TSPEAR: variants seen among roughly 807,000 people sequenced by gnomAD.
TSPEAR encodes the protein thrombospondin type laminin G domain and EAR repeats.
A neutral mutation model predicts 71.6 loss-of-function variants in TSPEAR; 69 were observed. The observed-to-expected ratio is 0.96, with a 90% CI of 0.79 to 1.18. The LOEUF (loss-of-function observed/expected upper bound fraction) is 1.18. TSPEAR is among the 50% of genes most tolerant of loss of function. The probability of loss-of-function intolerance (pLI) is 0.00; values close to 1 mark genes in which losing one functional copy is unlikely to be tolerated. For missense variants in TSPEAR, 971 were observed against 894.9 expected (o/e 1.09, Z -1.09); for synonymous variants, 402 against 387.2 (o/e 1.04, Z -0.45).
chr21:44,672,946 G>A (rs116946899), intron 1 of TSPEAR, among the ~76,000 whole-genome samples: 6,051 of 152,148 alleles, frequency 0.04, 129 homozygotes, highest in Middle Eastern at 0.085. Flanking sequence ...CCCAACCCAC[G>A]CTCCTTGTAC....
Position 44,509,008 on chromosome 21 carries a change from A to G in TSPEAR, c.1754+191T>C, listed in dbSNP as rs587698388. 1,132 of 1,500,634 alleles carry G rather than the reference A, an allele frequency of 7.5e-4. 1 individual carries two copies. The highest frequency in any genetic ancestry group is 9.0e-4 in the African/African-American group (65 of 72,148). The allele number at this position is 1,500,634 out of a possible 1,614,324, so 93.0% of individuals were successfully genotyped here. A position where few individuals can be genotyped will look rare whatever the true frequency, so the allele number is the denominator to read the frequency against. On this transcript the variant is annotated intron_variant, in intron 10 of 11. Coordinates refer to ENST00000323084, the MANE Select transcript of TSPEAR (RefSeq NM_144991.3). The stretch of plus-strand genomic sequence containing the variant: ...AAACCTGTGTCTCAGGGCGGCACTG[A>G]CTTCCCCAGGCCAGGAAAGTCCCCA...
chr21:44,564,714 A>G (rs1456827426), intron 2 of TSPEAR, among the ~76,000 whole-genome samples: 1 of 152,200 alleles, frequency 6.6e-6, no homozygotes, highest in East Asian at 1.9e-4. Context: ...AATTTCAACA[A>G]ACGGATAGAA....
At chr21:44,511,803 C>T (rs782321932) in intron 9 of TSPEAR, among the ~76,000 whole-genome samples, 26 of 152,244 alleles carry the variant, frequency 1.7e-4, no homozygotes, top group Admixed American at 1.1e-3. Flanking sequence ...GGGAAAGGCC[C>T]GGAGTGCCCG....
intron 11 of TSPEAR, 102 bp from the exon 12 acceptor site, chr21:44,500,038 C>T (rs1315442933): frequency 8.1e-6 from 10 of 1,237,570 alleles, no homozygotes; most frequent in Non-Finnish European, 9.8e-6. Flanking sequence ...AGCTCTGGGT[C>T]ACATCTGAGC....
chr21:44,527,454 G>T lies in TSPEAR; in HGVS notation c.987C>A (p.Gly329=), dbSNP rs1183878194. 6.2e-7 allele frequency: 1 copy of T among 1,614,108 alleles called. No homozygotes were observed. The highest frequency in any genetic ancestry group is 1.3e-5 in the African/African-American group (1 of 74,940). The part of the protein sequence containing the change: ...QNLSTNSETL[G]IEVFRIPQVG... Reference sequence around the variant, plus strand: ...CCTGAGGGATGCGGAACACCTCAATGCCCAGGGTCTCTGAGTTGGTGGACA... The same window carrying T: ...CCTGAGGGATGCGGAACACCTCAATTCCCAGGGTCTCTGAGTTGGTGGACA... The change falls in exon 7 of 12, where the codon GGC becomes GGA. Residue 329 remains glycine, a synonymous_variant. Coordinates refer to ENST00000323084, the MANE Select transcript of TSPEAR (RefSeq NM_144991.3).
At chr21:44,595,207 C>G (rs78128234) in intron 1 of TSPEAR, among the ~76,000 whole-genome samples, 1,586 of 152,292 alleles carry the variant, frequency 0.01, 9 homozygotes, top group South Asian at 0.017. Context: ...TATTCTCTTT[C>G]TCTCTGTATC....
rs80316004 is a variant in TSPEAR, at chr21:44,564,085, G to T, written c.303+3700C>A. Among the ~76,000 whole-genome samples, 1,244 of 152,300 alleles carry T rather than the reference G, an allele frequency of 8.2e-3. 14 individuals carry two copies. The highest frequency in any genetic ancestry group is 0.028 in the African/African-American group (1,173 of 41,570). On this transcript the variant is annotated intron_variant, in intron 2 of 11. Transcript: ENST00000323084. ...AAAAATGCTTATTTACAATATGAGAGCTGAAGCAAGAATGCAGAGTGTGCC... is the reference window on the plus strand; with the variant it reads ...AAAAATGCTTATTTACAATATGAGATCTGAAGCAAGAATGCAGAGTGTGCC...
intron 1 of TSPEAR, among the ~76,000 whole-genome samples, chr21:44,617,170 G>T (rs233265): frequency 6.6e-6 from 1 of 152,168 alleles, no homozygotes; most frequent in Non-Finnish European, 1.5e-5. Context: ...TCCTCTAGCA[G>T]TTGCACTGAC....
chr21:44,499,460 G>A lies in TSPEAR; in HGVS notation c.*323C>T, dbSNP rs1192788663. 6.5e-6 allele frequency: 2 copies of A among 305,550 alleles called. No individual in the cohort carries two copies. The highest frequency in any genetic ancestry group is 1.2e-5 in the Non-Finnish European group (2 of 163,990). The allele number at this position is 305,550 out of a possible 1,614,324, so 18.9% of individuals were successfully genotyped here. ...CCGCAGGGACATGAACCGAGGTCCTGTTGTTTGAGGTAAAAATGTATAGAA... is the reference window on the plus strand; with the variant it reads ...CCGCAGGGACATGAACCGAGGTCCTATTGTTTGAGGTAAAAATGTATAGAA... On this transcript the variant is annotated 3_prime_UTR_variant, in exon 12 of 12. Transcript: ENST00000323084.
rs1555911677 is a variant in TSPEAR, at chr21:44,504,832, C to T, written c.1804G>A (p.Val602Met). The change falls in exon 11 of 12, where the codon GTG (valine) becomes ATG (methionine). Residue 602 changes from valine (V) to methionine (M), a missense_variant. Transcript: ENST00000323084. ...FSVGEDYFLV[V>M]ANSFDGRTFS... ...GTACGCCCATCGAAGGAGTTGGCCA[C>T]CACCAGGAAATAATCTTCTCCCACC... is the stretch of plus-strand genomic sequence containing the variant. The T allele has an allele frequency of 1.9e-6, 3 of 1,613,552 alleles. No individual in the cohort carries two copies. In the Admixed American group the frequency reaches 5.0e-5, roughly 27 times the overall value.
Position 44,711,472 on chromosome 21 carries a change from C to A in TSPEAR, c.43G>T (p.Ala15Ser), listed in dbSNP as rs1555953628. Residue 15 changes from alanine (A) to serine (S), a missense_variant, in exon 1 of 12, where the codon GCC becomes TCC. Ala to Ser is a moderately conservative substitution (Grantham distance 99, BLOSUM62 1). Coordinates refer to ENST00000323084, the MANE Select transcript of TSPEAR (RefSeq NM_144991.3). This position sits in a 1 kb window ranked among gnomAD's most constrained non-coding sequence, Gnocchi z 4.5. ...CAACCCTGCGTGCCGTGGCCGGGGG[C>A]CGCCAGGGGCAGCACAAAACACAGA... Reference protein sequence around the residue: ...LSLCFVLPLAAPGHGTQGWEP... With the variant: ...LSLCFVLPLASPGHGTQGWEP... 3.7e-6 allele frequency: 6 copies of A among 1,611,494 alleles called. No homozygotes were observed. The highest frequency in any genetic ancestry group is 5.1e-6 in the Non-Finnish European group (6 of 1,179,230).
In TSPEAR at chr21:44,529,855, C is replaced by T. The variant is rs1412866974; in HGVS notation, c.733G>A (p.Val245Ile). ...GGCTTCCCCGTGAGAGCCTGCAGGA[C>T]CCGTGGGATGGACAGCACCGCCAGC... ...APLAVLSIPR[V>I]LQALTGKPED... Residue 245 changes from valine (V) to isoleucine (I), a missense_variant, in exon 5 of 12, where the codon GTC becomes ATC. By Grantham distance (29) the Val-to-Ile change is conservative (BLOSUM62 3). Transcript: ENST00000323084. 4 of 1,613,752 alleles carry T rather than the reference C, an allele frequency of 2.5e-6. No individual in the cohort carries two copies. In the African/African-American group the frequency reaches 4.0e-5, roughly 16 times the overall value.
At chr21:44,603,013 G>A (rs1233155455) in intron 1 of TSPEAR, among the ~76,000 whole-genome samples, 1 of 152,004 alleles carries the variant, frequency 6.6e-6, no homozygotes, top group African/African-American at 2.4e-5. Context: ...GACAGTGCTG[G>A]GTGCATTTCT....
At position 44,509,270 on chromosome 21, in the gene TSPEAR, G is replaced by A; in HGVS notation, c.1683C>T (p.Ile561=). The A allele has an allele frequency of 1.9e-6, 3 of 1,614,080 alleles. No individual in the cohort carries two copies. The highest frequency in any genetic ancestry group is 1.7e-6 in the Non-Finnish European group (2 of 1,180,026). The part of the protein sequence containing the change: ...EMQVQNDSYV[I]NSVIYELNVT... ...CGTTCAGCTCGTAGATGACGGAGTT[G>A]ATGACATAGGAATCATTCTGGACTT... Residue 561 remains isoleucine (I), a synonymous_variant, in exon 10 of 12, where the codon ATC becomes ATT. Transcript: ENST00000323084.
chr21:44,690,163 G>A (rs965324382), intron 1 of TSPEAR, among the ~76,000 whole-genome samples: 15 of 152,166 alleles, frequency 9.9e-5, no homozygotes, highest in East Asian at 3.9e-4. Flanking sequence ...GGAACAAAAC[G>A]TCAAAGAGAT....
At chr21:44,622,252 A>G (rs1304723004) in intron 1 of TSPEAR, among the ~76,000 whole-genome samples, 1 of 152,164 alleles carries the variant, frequency 6.6e-6, no homozygotes, top group Non-Finnish European at 1.5e-5. Context: ...CTTTGCTGAT[A>G]CGTTTGAGCT....
chr21:44,569,981 T>C (rs1215875298), intron 1 of TSPEAR, among the ~76,000 whole-genome samples: 4 of 152,232 alleles, frequency 2.6e-5, no homozygotes, highest in African/African-American at 9.6e-5. Flanking sequence ...AATGGGTCTC[T>C]AAGTAAACCC....
chr21:44,697,683 G>T, intron 1 of TSPEAR: 1 of 1,613,202 alleles, frequency 6.2e-7, no homozygotes, highest in Non-Finnish European at 8.5e-7. Context: ...AAGCCCATCT[G>T]CTGTGTGCCT....
intron 2 of TSPEAR, among the ~76,000 whole-genome samples, chr21:44,557,266 A>G (rs1330277392): frequency 6.6e-6 from 1 of 152,210 alleles, no homozygotes; most frequent in Non-Finnish European, 1.5e-5. Flanking sequence ...AATACTTTCC[A>G]AGGACAAAGG....
Sources: gnomAD v4.1 joint callset for allele counts (sites outside exome capture counted in the v4.1 genomes callset) on GRCh38, gnomAD v4.1.1 for gene constraint, Gnocchi (gnomAD v3.1) non-coding constraint, MANE v1.5 for transcripts, NCBI Gene and HGNC (gene_info 2026-07-23, HGNC 2026-07-21) for gene names.